Variants in RIMS1 observed in about 807,000 individuals in gnomAD.
RIMS1 encodes the protein regulating synaptic membrane exocytosis 1, also known as regulating synaptic membrane exocytosis protein 1.
In RIMS1, 83 loss-of-function variants were observed where a neutral mutation model predicts 214.1. The ratio of observed to expected loss-of-function variants is 0.39; its 90% CI spans 0.32 to 0.47. The LOEUF is 0.47. Ranked by LOEUF, RIMS1 falls within the 20% of genes least tolerant of loss-of-function variation. The pLI, the probability that RIMS1 is intolerant of heterozygous loss-of-function variation, is 0.99. For synonymous variants in RIMS1, 793 were observed against 786.8 expected, an observed-to-expected ratio of 1.01 and a Z score of -0.13; for missense variants, 2,050 against 2,161.8, an observed-to-expected ratio of 0.95 and a Z score of 1.03.
chr6:72,091,629 G>A lies in RIMS1; in HGVS notation c.246-5320G>A, dbSNP rs1195620213. On this transcript the variant is annotated intron_variant, in intron 2 of 33. Transcript: ENST00000521978. ...CACCCAAACAACTTTTTTACAAATT[G>A]AATTTTAGAGTTTCTTGAATTGAAT... Among the ~76,000 whole-genome samples the A allele has an allele frequency of 3.3e-5, 5 of 151,900 alleles. No individual in the cohort carries two copies. The East Asian group carries it at 7.7e-4, about 23-fold the overall frequency.
chr6:72,281,890 G>A (rs2090275704), intron 23 of RIMS1, among the ~76,000 whole-genome samples: 1 of 151,962 alleles, frequency 6.6e-6, no homozygotes. Context: ...ACTTGTTTGA[G>A]CTACTTTTTG....
At chr6:72,346,414 G>C (rs2097268269) in intron 29 of RIMS1, among the ~76,000 whole-genome samples, 1 of 151,794 alleles carries the variant, frequency 6.6e-6, no homozygotes, top group Non-Finnish European at 1.5e-5. Context: ...CTCAAGTCAA[G>C]TCCACCTTTG....
intron 1 of RIMS1, among the ~76,000 whole-genome samples, chr6:71,929,875 A>G (rs1582866268): frequency 1.3e-5 from 2 of 151,958 alleles, no homozygotes; most frequent in African/African-American, 4.8e-5. Flanking sequence ...TGAAATGTCT[A>G]TTCCAATTGC....
intron 1 of RIMS1, among the ~76,000 whole-genome samples, chr6:71,939,690 A>AC (rs1485812041): frequency 6.6e-6 from 1 of 152,168 alleles, no homozygotes; most frequent in East Asian, 1.9e-4. Flanking sequence ...GATAAAGGGG[A>AC]CCAAACTCCA....
At chr6:72,352,738 A>G (rs2097500303) in intron 29 of RIMS1, among the ~76,000 whole-genome samples, 1 of 152,134 alleles carries the variant, frequency 6.6e-6, no homozygotes, top group South Asian at 2.1e-4. Context: ...TCTGACTACT[A>G]AAAGCCTTGT....
intron 2 of RIMS1, among the ~76,000 whole-genome samples, chr6:72,003,716 T>A (rs914999112): frequency 1.3e-5 from 2 of 151,996 alleles, no homozygotes; most frequent in African/African-American, 2.4e-5. Flanking sequence ...AATGTATGTC[T>A]CCAACAAAAG....
chr6:72,113,001 G>T (rs189629445), intron 4 of RIMS1, among the ~76,000 whole-genome samples: 11 of 152,182 alleles, frequency 7.2e-5, no homozygotes, highest in African/African-American at 2.4e-4. Flanking sequence ...TTCTAAATTG[G>T]CACAATCCCT....
chr6:72,363,814 G>T, intron 29 of RIMS1, among the ~76,000 whole-genome samples: 1 of 152,172 alleles, frequency 6.6e-6, no homozygotes. Context: ...ACTGGTTAAA[G>T]GGATAATTCG....
intron 4 of RIMS1, among the ~76,000 whole-genome samples, chr6:72,149,509 T>A (rs1373117372): frequency 1.3e-5 from 2 of 151,158 alleles, no homozygotes; most frequent in South Asian, 4.2e-4. Flanking sequence ...AAGTGAAGAT[T>A]CCTTACACCT....
At chr6:72,016,623 T>A (rs189330266) in intron 2 of RIMS1, among the ~76,000 whole-genome samples, 78 of 152,334 alleles carry the variant, frequency 5.1e-4, no homozygotes, top group African/African-American at 1.8e-3. Flanking sequence ...AAAAATTGAT[T>A]TTGACAAATT....
chr6:71,886,932 G>A lies in RIMS1; in HGVS notation c.-92G>A, dbSNP rs1033474578. 1.5e-5 allele frequency: 22 copies of A among 1,464,812 alleles called. No homozygotes were observed. The highest frequency in any genetic ancestry group is 2.3e-5 in the East Asian group (1 of 43,192). The allele number at this position is 1,464,812 out of a possible 1,614,324, so 90.7% of individuals were successfully genotyped here. On this transcript the variant is annotated 5_prime_UTR_variant, in exon 1 of 34. Transcript: ENST00000521978. ...CTCCTGCCGCCGCCGCTAGGGCTCC[G>A]CTGTGAGGGGGAAGCAGGGGCGCAG...
intron 2 of RIMS1, among the ~76,000 whole-genome samples, chr6:72,093,001 G>C (rs1836707754): frequency 1.3e-5 from 2 of 152,014 alleles, no homozygotes; most frequent in African/African-American, 4.8e-5. Context: ...TGATGAGACA[G>C]AACTGAATCT....
In RIMS1 at chr6:72,182,878, C is replaced by T. The variant is rs745517950; in HGVS notation, c.1407C>T (p.Pro469=). ...CCCCGGAGCTCAAAGCCCAGGAGCC[C>T]CTCAGGAAGCAGAGCCGCCTGGACC... ...AEAPELKAQE[P]LRKQSRLDPS... The change falls in exon 6 of 34, where the codon CCC becomes CCT. Residue 469 remains proline (P), a synonymous_variant. Coordinates refer to ENST00000521978, the MANE Select transcript of RIMS1 (RefSeq NM_014989.7). 57 of 1,564,474 alleles carry T rather than the reference C, an allele frequency of 3.6e-5. No homozygotes were observed. Among genetic ancestry groups the T allele is most frequent in the Non-Finnish European group, 4.8e-5 (56 of 1,156,606 alleles).
At chr6:71,994,939 C>T (rs1802931204) in intron 2 of RIMS1, among the ~76,000 whole-genome samples, 1 of 152,124 alleles carries the variant, frequency 6.6e-6, no homozygotes, top group South Asian at 2.1e-4. Context: ...CTCTTTTGTT[C>T]TAGTCTTCAG....
chr6:72,009,229 A>G (rs1238161704), intron 2 of RIMS1, among the ~76,000 whole-genome samples: 11 of 152,104 alleles, frequency 7.2e-5, no homozygotes, highest in East Asian at 1.9e-4. Context: ...TGACTACTGG[A>G]TACATAACGA....
At chr6:72,250,583 A>C (rs944062724) in intron 13 of RIMS1, 123 bp downstream of exon 13, 2 of 676,848 alleles carry the variant, frequency 3.0e-6, no homozygotes, top group African/African-American at 3.7e-5. Flanking sequence ...AAAGTACATT[A>C]TCTCTGAAAA....
intron 1 of RIMS1, among the ~76,000 whole-genome samples, chr6:71,923,159 C>T (rs559582552): frequency 3.3e-5 from 5 of 152,262 alleles, no homozygotes; most frequent in South Asian, 2.1e-4. Flanking sequence ...CTACAGTTTC[C>T]GCAGATAGGT....
intron 29 of RIMS1, among the ~76,000 whole-genome samples, chr6:72,382,915 T>C (rs918990359): frequency 2.6e-5 from 4 of 152,368 alleles, no homozygotes; most frequent in Middle Eastern, 3.4e-3. Flanking sequence ...TCCAATACTG[T>C]CTGCTTTTAC....
chr6:71,998,030 G>A (rs903590778), intron 2 of RIMS1, among the ~76,000 whole-genome samples: 1 of 151,976 alleles, frequency 6.6e-6, no homozygotes, highest in African/African-American at 2.4e-5. Flanking sequence ...AAAAATATTG[G>A]CATCTAAAAT....
Sources: allele counts gnomAD v4.1 joint callset (sites outside exome capture counted in the v4.1 genomes callset), GRCh38; gene constraint gnomAD v4.1.1; transcripts MANE v1.5; gene names NCBI Gene and HGNC (gene_info 2026-07-23, HGNC 2026-07-21).